Variants in CFAP61 observed in about 807,000 individuals in gnomAD.
CFAP61 encodes the protein cilia- and flagella-associated protein 61.
A neutral mutation model predicts 135.6 loss-of-function variants in CFAP61; 107 were observed. The ratio of observed to expected loss-of-function variants is 0.79; its 90% CI spans 0.67 to 0.93. The LOEUF is 0.93. CFAP61 is among the 40% of genes least tolerant of loss of function. The probability of loss-of-function intolerance (pLI) is 0.00; values close to 1 mark genes in which losing one functional copy is unlikely to be tolerated. For synonymous variants in CFAP61, 575 were observed against 578.5 expected (o/e 0.99, Z 0.09); for missense variants, 1,507 against 1,556.2 (o/e 0.97, Z 0.53).
intron 8 of CFAP61, among the ~76,000 whole-genome samples, chr20:20,116,649 G>A (rs1312059932): frequency 6.6e-6 from 1 of 151,918 alleles, no homozygotes; most frequent in Admixed American, 6.6e-5. Context: ...CTTCTACATG[G>A]TTGTAAACTG....
chr20:20,199,699 T>A, intron 16 of CFAP61, 69 bp from the exon 17 acceptor site: 4 of 1,560,490 alleles, frequency 2.6e-6, no homozygotes, highest in Admixed American at 1.8e-5. Flanking sequence ...TTTGTAAAGC[T>A]GTACGCAGAC....
intron 8 of CFAP61, among the ~76,000 whole-genome samples, chr20:20,128,343 G>A (rs1308224805): frequency 2.0e-5 from 3 of 151,676 alleles, no homozygotes; most frequent in East Asian, 3.9e-4. Context: ...GGAACCCAGC[G>A]AGTTCCCAGG....
At chr20:20,104,262 A>T (rs569126615) in intron 8 of CFAP61, among the ~76,000 whole-genome samples, 9 of 151,708 alleles carry the variant, frequency 5.9e-5, no homozygotes, top group African/African-American at 1.2e-4. Flanking sequence ...TTTTTTTTTT[A>T]AATTACTCCT....
rs140344020 is a variant in CFAP61 at position 20,109,640 on chromosome 20, G to A, written c.859+10826G>A. Among the ~76,000 whole-genome samples, 11 of 152,226 alleles carry A rather than the reference G, an allele frequency of 7.2e-5. No homozygotes were observed. In the East Asian group the frequency reaches 7.7e-4, roughly 11 times the overall value. ...ACATGGACCCAGCTCCCAAGTGCTC[G>A]GTCTAAAGCTTTACCTACAATTTAT... is the stretch of plus-strand genomic sequence containing the variant. On this transcript the variant is annotated intron_variant, in intron 8 of 26. Coordinates refer to ENST00000245957, the MANE Select transcript of CFAP61 (RefSeq NM_015585.4).
intron 18 of CFAP61, among the ~76,000 whole-genome samples, chr20:20,243,434 C>CTTTTTT (rs60497833): frequency 6.8e-6 from 1 of 146,944 alleles, no homozygotes. Context: ...TCCCCCAAGT[C>CTTTTTT]TTTTTTTTTT....
intron 13 of CFAP61, chr20:20,171,680 C>T (rs2054235017): frequency 2.1e-6 from 1 of 483,570 alleles, no homozygotes. Flanking sequence ...AATGCATTAA[C>T]AAAGAGGCAC....
At chr20:20,245,951 TC>T (rs1246046094) in intron 18 of CFAP61, among the ~76,000 whole-genome samples, 165 bp from the exon 19 acceptor site, 2 of 152,246 alleles carry the variant, frequency 1.3e-5, no homozygotes, top group African/African-American at 4.8e-5. Flanking sequence ...CTTCCTTTTT[TC>T]CTTGAAATGG....
chr20:20,248,075 G>A (rs2050607763), intron 19 of CFAP61, among the ~76,000 whole-genome samples: 1 of 152,164 alleles, frequency 6.6e-6, no homozygotes, highest in South Asian at 2.1e-4. Context: ...ATTCATTGAT[G>A]TATACTCAAT....
At chr20:20,340,583 C>T (rs1425934569) in intron 25 of CFAP61, among the ~76,000 whole-genome samples, 2 of 152,084 alleles carry the variant, frequency 1.3e-5, no homozygotes, top group Non-Finnish European at 2.9e-5. Context: ...TTTAAAGGCG[C>T]CGGGCAGGGA....
In CFAP61 at chr20:20,125,599, A is replaced by G. The variant is rs145188454; in HGVS notation, c.860-17258A>G. Among the ~76,000 whole-genome samples the G allele has an allele frequency of 1.9e-4, 29 of 151,422 alleles. 1 individual carries two copies. Among genetic ancestry groups the G allele is most frequent in the African/African-American group, 5.6e-4 (23 of 40,992 alleles). On this transcript the variant is annotated intron_variant, in intron 8 of 26. Transcript: ENST00000245957. ...TGAGAGGCTGCTTGATGTAATATTA[A>G]TTTTCTTAAATTTATTGAAGCTTGT...
At chr20:20,285,589 C>A (rs2054520704) in intron 22 of CFAP61, among the ~76,000 whole-genome samples, 1 of 151,992 alleles carries the variant, frequency 6.6e-6, no homozygotes, top group East Asian at 1.9e-4. Context: ...TCTATTAGGG[C>A]ATAAGATGAC....
chr20:20,117,122 G>A (rs1040943060), intron 8 of CFAP61, among the ~76,000 whole-genome samples: 8 of 152,194 alleles, frequency 5.3e-5, no homozygotes, highest in South Asian at 2.1e-4. Flanking sequence ...TTTGGAGGCC[G>A]AGGTGGGTGG....
chr20:20,173,516 G>T (rs952642908), intron 13 of CFAP61, among the ~76,000 whole-genome samples: 6 of 152,166 alleles, frequency 3.9e-5, no homozygotes, highest in Admixed American at 1.3e-4. Flanking sequence ...ATGACATGTG[G>T]TGTTGAGCAT....
At chr20:20,113,521 T>C (rs140377508) in intron 8 of CFAP61, among the ~76,000 whole-genome samples, 3 of 152,310 alleles carry the variant, frequency 2.0e-5, no homozygotes, top group African/African-American at 7.2e-5. Context: ...CTAAGCAATG[T>C]CCTCCAAGTC....
intron 8 of CFAP61, among the ~76,000 whole-genome samples, chr20:20,105,307 G>A (rs1247109407): frequency 6.6e-6 from 1 of 152,058 alleles, no homozygotes; most frequent in East Asian, 1.9e-4. Flanking sequence ...TCTGTGCCCT[G>A]GTCACCTCCA....
intron 26 of CFAP61, among the ~76,000 whole-genome samples, chr20:20,346,258 T>C (rs980046090): frequency 6.9e-6 from 1 of 145,830 alleles, no homozygotes; most frequent in Non-Finnish European, 1.5e-5. Flanking sequence ...GGCTTATGCC[T>C]GTAATCCCAG....
intron 6 of CFAP61, among the ~76,000 whole-genome samples, chr20:20,078,457 T>A (rs2046209992): frequency 6.6e-6 from 1 of 152,170 alleles, no homozygotes; most frequent in African/African-American, 2.4e-5. Flanking sequence ...TTTTCAAGTT[T>A]AGGGGAAATG....
chr20:20,309,525 T>A (rs375279694), intron 25 of CFAP61, among the ~76,000 whole-genome samples: 1 of 152,168 alleles, frequency 6.6e-6, no homozygotes, highest in Admixed American at 6.5e-5. Context: ...GTGGCCGGGC[T>A]TTCCACGTGC....
intron 2 of CFAP61, 61 bp from the exon 3 acceptor site, chr20:20,070,793 C>G: frequency 1.3e-6 from 2 of 1,512,560 alleles, no homozygotes. Context: ...AAAAAAATGG[C>G]ATGTCCTCAC....
Sources: allele counts gnomAD v4.1 joint callset (sites outside exome capture counted in the v4.1 genomes callset), GRCh38; gene constraint gnomAD v4.1.1; transcripts MANE v1.5; gene names NCBI Gene and HGNC (gene_info 2026-07-23, HGNC 2026-07-21).